SLCO5A1: variants seen among roughly 807,000 people sequenced by gnomAD.
The protein encoded by SLCO5A1 is organic anion transporter polypeptide-related protein 4.
In SLCO5A1, 39 loss-of-function variants were observed where a neutral mutation model predicts 65.1. The ratio of observed to expected loss-of-function variants is 0.60; its 90% confidence interval spans 0.46 to 0.78. The LOEUF is 0.78. Among genes scored for constraint, SLCO5A1 ranks in the 30% least tolerant of loss-of-function variants. The pLI is 0.00. For missense variants in SLCO5A1, 1,029 were observed against 1,069.4 expected (o/e 0.96, Z 0.53); for synonymous variants, 438 against 415.7 (o/e 1.05, Z -0.65).
chr8:69,805,123 G>A (rs765872037), intron 2 of SLCO5A1, among the ~76,000 whole-genome samples: 1 of 151,868 alleles, frequency 6.6e-6, no homozygotes, highest in Non-Finnish European at 1.5e-5. Flanking sequence ...TCACTATTCA[G>A]GCCATTCTCC....
At chr8:69,791,347 C>A (rs1015801547) in intron 2 of SLCO5A1, among the ~76,000 whole-genome samples, 1 of 152,124 alleles carries the variant, frequency 6.6e-6, no homozygotes, top group African/African-American at 2.4e-5. Context: ...CTCTGCAAAA[C>A]CAGAATGGCA....
At chr8:69,691,767 T>C (rs1814269742) in intron 6 of SLCO5A1, among the ~76,000 whole-genome samples, 1 of 152,220 alleles carries the variant, frequency 6.6e-6, no homozygotes, top group Non-Finnish European at 1.5e-5. Flanking sequence ...TTCATCACTG[T>C]ACAAATGTCA....
intron 6 of SLCO5A1, 93 bp downstream of exon 6, chr8:69,704,938 G>T (rs1814901351): frequency 1.7e-6 from 2 of 1,147,664 alleles, no homozygotes; most frequent in African/African-American, 1.5e-5. Context: ...CAGCTTGGAG[G>T]GAGGGGTATG....
chr8:69,684,772 C>T (rs1055026898), intron 6 of SLCO5A1, among the ~76,000 whole-genome samples: 6 of 149,700 alleles, frequency 4.0e-5, no homozygotes, highest in Non-Finnish European at 8.9e-5. Flanking sequence ...CCAGCTTGCT[C>T]TTGAATTCTT....
chr8:69,673,209 A>T lies in SLCO5A1; in HGVS notation c.2207T>A (p.Phe736Tyr). Residue 736 changes from phenylalanine (F) to tyrosine (Y), a missense_variant, in exon 10 of 10, where the codon TTT (phenylalanine) becomes TAT (tyrosine). Phe to Tyr is a conservative substitution (Grantham distance 22, BLOSUM62 3). Transcript: ENST00000260126. ...CWEYNVTSFR[F>Y]VYFGLAAGLK... ...GCCGGCAGCCAAACCAAAATACACA[A>T]AACGAAACGACGTCACGTTGTACTC... 3 of 1,614,254 alleles carry T rather than the reference A, an allele frequency of 1.9e-6. No individual in the cohort carries two copies. Among genetic ancestry groups the T allele is most frequent in the Non-Finnish European group, 2.5e-6 (3 of 1,180,046 alleles).
At chr8:69,734,403 C>T (rs1816466835) in intron 5 of SLCO5A1, among the ~76,000 whole-genome samples, 1 of 152,220 alleles carries the variant, frequency 6.6e-6, no homozygotes, top group African/African-American at 2.4e-5. Flanking sequence ...AAGCCATTGT[C>T]CATGAAATGA....
intron 2 of SLCO5A1, among the ~76,000 whole-genome samples, chr8:69,784,921 A>G (rs1818980512): frequency 6.8e-6 from 1 of 146,796 alleles, no homozygotes. Context: ...AAAGAAAGAA[A>G]GAAAGAAAGA....
chr8:69,784,863 G>GAAAGAAAGAAAGAAAGAAA (rs71275014), intron 2 of SLCO5A1, among the ~76,000 whole-genome samples: 1 of 87,884 alleles, frequency 1.1e-5, no homozygotes, highest in African/African-American at 4.8e-5. Flanking sequence ...AAGAAAGAAA[G>GAAAGAAAGAAAGAAAGAAA]GGAAGGAAGG....
rs563935582 is a variant in SLCO5A1, at chr8:69,672,794, A to T, written c.*75T>A. On this transcript the variant is annotated 3_prime_UTR_variant, in exon 10 of 10. Coordinates refer to ENST00000260126, the MANE Select transcript of SLCO5A1 (RefSeq NM_030958.3). ...AGAGGTTAAAAAAAAGAAAGAAAGA[A>T]AAGAAGGCACAGTTGTTTCTCAAGT... is the stretch of plus-strand genomic sequence containing the variant. 59 of 1,470,226 alleles carry T rather than the reference A, an allele frequency of 4.0e-5. No individual in the cohort carries two copies. Among genetic ancestry groups the T allele is most frequent in the Non-Finnish European group, 5.3e-5 (58 of 1,097,696 alleles). The allele number at this position is 1,470,226 out of a possible 1,614,324, so 91.1% of individuals were successfully genotyped here.
Position 69,668,045 on chromosome 8 carries a change from ATTTTT to A in SLCO5A1, c.*4819_*4823del, listed in dbSNP as rs1359588810. 1.3e-5 allele frequency: 2 copies of A among 152,190 alleles called. No individual in the cohort carries two copies. Among genetic ancestry groups the A allele is most frequent in the East Asian group, 3.8e-4 (2 of 5,196 alleles). 9.4% of individuals were successfully genotyped at this position (152,190 alleles called of 1,614,324 possible). On this transcript the variant is annotated 3_prime_UTR_variant, in exon 10 of 10. Transcript: ENST00000260126. ...ATTAAATACTTTTTAGCACCAAGGCATTTTTTTTAATGTTGCAAAAGCAAACACCT... is the reference window on the plus strand; with the variant it reads ...ATTAAATACTTTTTAGCACCAAGGCATTTAATGTTGCAAAAGCAAACACCT...
chr8:69,682,453 GA>G, intron 6 of SLCO5A1, 110 bp from the exon 7 acceptor site: 1 of 1,123,536 alleles, frequency 8.9e-7, no homozygotes, highest in Non-Finnish European at 1.2e-6. Context: ...TCTTCCCATT[GA>G]ATCAAAGCCA....
chr8:69,821,959 C>G (rs1820663967), intron 2 of SLCO5A1, among the ~76,000 whole-genome samples: 1 of 151,980 alleles, frequency 6.6e-6, no homozygotes, highest in African/African-American at 2.4e-5. Context: ...AACCCCATCT[C>G]TACTACAAAT....
At chr8:69,716,110 A>G (rs371721582) in intron 5 of SLCO5A1, among the ~76,000 whole-genome samples, 10 of 152,120 alleles carry the variant, frequency 6.6e-5, no homozygotes, top group African/African-American at 1.9e-4. Flanking sequence ...GTCACTTAGT[A>G]TGTTTTCAAG....
At chr8:69,831,653 C>T (rs1029749170) in intron 2 of SLCO5A1, 114 bp downstream of exon 2, 11 of 1,180,392 alleles carry the variant, frequency 9.3e-6, no homozygotes, top group Admixed American at 2.6e-5. Context: ...ATAAAGTGAA[C>T]TTTAATCTAT....
rs146626490 is a variant in SLCO5A1, at chr8:69,796,847, C to T, written c.907+34920G>A. Reference sequence around the variant, plus strand: ...AATCATCTCTCTCAAGTTCAAAGTTCCACAGATTCCTAGAGCAGAGGCACA... The same window carrying T: ...AATCATCTCTCTCAAGTTCAAAGTTTCACAGATTCCTAGAGCAGAGGCACA... On this transcript the variant is annotated intron_variant, in intron 2 of 9. Transcript: ENST00000260126. Among the ~76,000 whole-genome samples the T allele has an allele frequency of 5.9e-4, 90 of 152,134 alleles. 2 individuals carry two copies. In the South Asian group the frequency reaches 0.011, roughly 19 times the overall value.
chr8:69,726,496 C>CCTTTTTTTTT lies in SLCO5A1; in HGVS notation c.1423+11543_1423+11544insAAAAAAAAAG. On this transcript the variant is annotated intron_variant, in intron 5 of 9. Transcript: ENST00000260126. ...GCTTTCTCTTTCATTTTCCTACCTC[C>CCTTTTTTTTT]TTTTTTTTTTTTTTTTTTGGGGGGA... Among the ~76,000 whole-genome samples the CCTTTTTTTTT allele has an allele frequency of 1.7e-5, 2 of 115,028 alleles. 1 individual carries two copies. 75.5% of individuals were successfully genotyped at this position (115,028 alleles called of 152,430 possible). A position where few individuals can be genotyped will look rare whatever the true frequency, so the allele number is the denominator to read the frequency against.
chr8:69,677,700 C>A (rs1813606567), intron 8 of SLCO5A1, among the ~76,000 whole-genome samples: 1 of 152,196 alleles, frequency 6.6e-6, no homozygotes, highest in African/African-American at 2.4e-5. Flanking sequence ...ATCTGGCTGT[C>A]AAGGAACAGC....
At chr8:69,742,708 T>G (rs976808417) in intron 4 of SLCO5A1, among the ~76,000 whole-genome samples, 1 of 151,904 alleles carries the variant, frequency 6.6e-6, no homozygotes, top group African/African-American at 2.4e-5. Flanking sequence ...AACAGAGCTA[T>G]GCTGCAATAA....
chr8:69,824,178 A>T (rs1820769702), intron 2 of SLCO5A1, among the ~76,000 whole-genome samples: 1 of 152,112 alleles, frequency 6.6e-6, no homozygotes, highest in Non-Finnish European at 1.5e-5. Context: ...AAAGCAGGAA[A>T]GATCCAAAAT....
Sources: allele counts gnomAD v4.1 joint callset (sites outside exome capture counted in the v4.1 genomes callset), GRCh38; gene constraint gnomAD v4.1.1; transcripts MANE v1.5; gene names NCBI Gene and HGNC (gene_info 2026-07-23, HGNC 2026-07-21).